Variants in AGBL1 observed in about 807,000 individuals in gnomAD.
The protein encoded by AGBL1 is AGBL carboxypeptidase 1.
A neutral mutation model predicts 118.9 loss-of-function variants in AGBL1; 130 were observed. The ratio of observed to expected loss-of-function variants is 1.09; its 90% CI spans 0.95 to 1.26. The LOEUF (loss-of-function observed/expected upper bound fraction) is 1.26. Ranked by LOEUF, AGBL1 falls within the 50% of genes most tolerant of loss-of-function variation. The pLI is 0.00. For missense variants in AGBL1, 1,584 were observed against 1,298.1 expected, an observed-to-expected ratio of 1.22 and a Z score of -3.38; for synonymous variants, 555 against 478.9, an observed-to-expected ratio of 1.16 and a Z score of -2.08.
chr15:86,350,894 C>T (rs1345962598), intron 17 of AGBL1, among the ~76,000 whole-genome samples: 7 of 151,992 alleles, frequency 4.6e-5, no homozygotes, highest in Admixed American at 1.3e-4. Context: ...TGTGTTAATC[C>T]GTTGGAGAGT....
At chr15:86,307,646 A>C (rs948037849) in intron 17 of AGBL1, among the ~76,000 whole-genome samples, 11 of 152,230 alleles carry the variant, frequency 7.2e-5, no homozygotes, top group Admixed American at 2.0e-4. Context: ...GTGTGCCTGT[A>C]GTCCCAACCA....
At chr15:86,398,945 G>C (rs2081405710) in intron 18 of AGBL1, among the ~76,000 whole-genome samples, 1 of 152,116 alleles carries the variant, frequency 6.6e-6, no homozygotes, top group Non-Finnish European at 1.5e-5. Context: ...GTACCCATGT[G>C]TTCCTTACAG....
chr15:86,870,004 A>T (rs1259592169), intron 22 of AGBL1, among the ~76,000 whole-genome samples: 1 of 152,164 alleles, frequency 6.6e-6, no homozygotes, highest in Non-Finnish European at 1.5e-5. Context: ...AAACCATTGC[A>T]TCAAAGTCAT....
At chr15:86,773,518 A>G (rs1182272143) in intron 22 of AGBL1, among the ~76,000 whole-genome samples, 1 of 114,146 alleles carries the variant, frequency 8.8e-6, no homozygotes, top group East Asian at 3.1e-4. Context: ...CCACCCCACA[A>G]CAGGCCCTGG....
intron 18 of AGBL1, among the ~76,000 whole-genome samples, chr15:86,496,218 T>C (rs1250588869): frequency 1.3e-5 from 2 of 152,012 alleles, no homozygotes; most frequent in African/African-American, 2.4e-5. Flanking sequence ...TGACAGTTCC[T>C]CCTTCACACT....
At chr15:86,432,850 T>C (rs905421233) in intron 18 of AGBL1, among the ~76,000 whole-genome samples, 1 of 152,194 alleles carries the variant, frequency 6.6e-6, no homozygotes, top group Middle Eastern at 3.2e-3. Flanking sequence ...GAGCAGCCCC[T>C]GGCAGGTGGC....
intron 21 of AGBL1, among the ~76,000 whole-genome samples, chr15:86,561,861 G>A (rs926022111): frequency 6.6e-6 from 1 of 152,036 alleles, no homozygotes; most frequent in Non-Finnish European, 1.5e-5. Flanking sequence ...CCTTGAAGAG[G>A]TCCTTCACAT....
In AGBL1 at chr15:86,243,250, A is replaced by T. The variant is rs114356144; in HGVS notation, c.527-4421A>T. On this transcript the variant is annotated intron_variant, in intron 6 of 22. Transcript: ENST00000614907. ...AGAATCATCAGTTGATCCTCAACTC[A>T]TTAAGTATTCTTGTTACCTTGGCAT... Among the ~76,000 whole-genome samples, 600 of 152,364 alleles carry T rather than the reference A, an allele frequency of 3.9e-3. 6 individuals are homozygous for T. The highest frequency in any genetic ancestry group is 0.013 in the African/African-American group (554 of 41,586).
At chr15:86,934,972 C>G (rs944812974) in intron 23 of AGBL1, 14 of 152,168 alleles carry the variant, frequency 9.2e-5, no homozygotes, top group African/African-American at 3.4e-4. Flanking sequence ...CAACCTTGTG[C>G]CATAATAAAT....
chr15:86,580,548 G>A (rs1456320932), intron 21 of AGBL1, among the ~76,000 whole-genome samples: 7 of 151,772 alleles, frequency 4.6e-5, no homozygotes. Flanking sequence ...ATACATTTAT[G>A]GATCATTAAT....
At chr15:86,800,138 A>G (rs1001812204) in intron 22 of AGBL1, among the ~76,000 whole-genome samples, 3 of 152,076 alleles carry the variant, frequency 2.0e-5, no homozygotes, top group Non-Finnish European at 4.4e-5. Context: ...CTGCACCACC[A>G]TGAAATAATT....
chr15:86,574,607 A>G (rs62012474), intron 21 of AGBL1, among the ~76,000 whole-genome samples: 1 of 81,162 alleles, frequency 1.2e-5, no homozygotes, highest in East Asian at 4.7e-4. Flanking sequence ...GATGAGGTTT[A>G]GCTCTTGTCA....
At chr15:86,675,845 T>C (rs1170461594) in intron 22 of AGBL1, among the ~76,000 whole-genome samples, 2 of 152,182 alleles carry the variant, frequency 1.3e-5, no homozygotes, top group African/African-American at 4.8e-5. Flanking sequence ...ATTGCTTGCT[T>C]TCGTCAAATT....
At chr15:86,101,925 G>C (rs1172029228) in intron 1 of AGBL1, among the ~76,000 whole-genome samples, 2 of 151,662 alleles carry the variant, frequency 1.3e-5, no homozygotes, top group Non-Finnish European at 2.9e-5. Context: ...ATTTACTTCT[G>C]GTTGTTTTGT....
intron 22 of AGBL1, among the ~76,000 whole-genome samples, chr15:86,797,271 G>A (rs554942914): frequency 1.3e-4 from 20 of 152,300 alleles, no homozygotes; most frequent in Middle Eastern, 6.8e-3. Context: ...GGGTATGCAC[G>A]CTGGAGCTCA....
At chr15:86,815,583 C>T (rs1321190948) in intron 22 of AGBL1, among the ~76,000 whole-genome samples, 1 of 152,130 alleles carries the variant, frequency 6.6e-6, no homozygotes, top group Non-Finnish European at 1.5e-5. Context: ...AAGTAGCACA[C>T]TGCATTTTTA....
chr15:86,402,360 G>C (rs1002377953), intron 18 of AGBL1, among the ~76,000 whole-genome samples: 22 of 152,044 alleles, frequency 1.4e-4, no homozygotes, highest in Non-Finnish European at 2.9e-5. Context: ...CTTTGGATGA[G>C]TCTTTAGGGT....
At chr15:86,162,528 G>A (rs189812299) in intron 5 of AGBL1, among the ~76,000 whole-genome samples, 1 of 152,324 alleles carries the variant, frequency 6.6e-6, no homozygotes, top group African/African-American at 2.4e-5. Context: ...CCTTGTGCCA[G>A]CCCTCAGCCC....
chr15:86,185,359 G>T (rs2077614054), intron 5 of AGBL1, among the ~76,000 whole-genome samples: 1 of 152,114 alleles, frequency 6.6e-6, no homozygotes, highest in Non-Finnish European at 1.5e-5. Context: ...GATTCCTCAA[G>T]GATCTAGAAC....
Sources: gnomAD v4.1 joint callset for allele counts (sites outside exome capture counted in the v4.1 genomes callset) on GRCh38, gnomAD v4.1.1 for gene constraint, MANE v1.5 for transcripts, NCBI Gene and HGNC (gene_info 2026-07-23, HGNC 2026-07-21) for gene names.